Variants in CEBPG observed in about 807,000 individuals in gnomAD.
The protein encoded by CEBPG is CCAAT/enhancer-binding protein gamma.
Under a neutral mutation model 11.1 loss-of-function variants are expected in CEBPG, and 6 were observed. That is an observed-to-expected ratio of 0.54 (90% CI 0.30 to 1.07). CEBPG has a LOEUF of 1.07. Among genes scored for constraint, CEBPG ranks in the 50% least tolerant of loss-of-function variants. CEBPG has a pLI of 0.07. For missense variants in CEBPG, 161 were observed against 187.4 expected, an observed-to-expected ratio of 0.86 and a Z score of 0.82; for synonymous variants, 66 against 71.0, an observed-to-expected ratio of 0.93 and a Z score of 0.36.
chr19:33,379,644 C>T lies in CEBPG; in HGVS notation c.405C>T (p.Ser135=), dbSNP rs950698791. Residue 135 remains serine (S), a synonymous_variant, in exon 2 of 2, where the codon TCC becomes TCT. Transcript: ENST00000284000. Reference sequence around the variant, plus strand: ...ACAACCTTGCAGACAACGTACAGTCCATTAGCACTGAAAATACGACAGCAG... The same window carrying T: ...ACAACCTTGCAGACAACGTACAGTCTATTAGCACTGAAAATACGACAGCAG... The part of the protein sequence containing the change: ...HAHNLADNVQ[S]ISTENTTADG... The T allele has an allele frequency of 2.5e-6, 4 of 1,613,348 alleles. No homozygotes were observed. The highest frequency in any genetic ancestry group is 3.4e-6 in the Non-Finnish European group (4 of 1,179,552).
chr19:33,377,678 A>G (rs979282561), intron 1 of CEBPG, among the ~76,000 whole-genome samples: 4 of 152,212 alleles, frequency 2.6e-5, no homozygotes, highest in African/African-American at 9.6e-5. Flanking sequence ...TGAACTGTCC[A>G]TTACTGAAGA....
chr19:33,379,317 C>G lies in CEBPG; in HGVS notation c.78C>G (p.Ser26Arg). The change falls in exon 2 of 2, where the codon AGC becomes AGG. Residue 26 changes from serine (S) to arginine (R), a missense_variant. By Grantham distance (110) the Ser-to-Arg change is moderately radical. Coordinates refer to ENST00000284000, the MANE Select transcript of CEBPG (RefSeq NM_001806.4). ...TTATCCATACCCAGGCACATGCCAGCGGCTTACAGCAGGTTCCTCAGCTGG... is the reference window on the plus strand; with the variant it reads ...TTATCCATACCCAGGCACATGCCAGGGGCTTACAGCAGGTTCCTCAGCTGG... Reference protein sequence around the residue: ...ISVIHTQAHASGLQQVPQLVP... With the variant: ...ISVIHTQAHARGLQQVPQLVP... The G allele has an allele frequency of 1.2e-6, 2 of 1,611,472 alleles. No individual in the cohort carries two copies. Among genetic ancestry groups the G allele is most frequent in the South Asian group, 2.2e-5 (2 of 90,906 alleles).
In CEBPG at chr19:33,382,673, C is replaced by A. The variant is rs189482230; in HGVS notation, c.*2981C>A. 3 of 165,396 alleles carry A rather than the reference C, an allele frequency of 1.8e-5. No individual in the cohort carries two copies. Among genetic ancestry groups the A allele is most frequent in the African/African-American group, 7.2e-5 (3 of 41,520 alleles). The allele number at this position is 165,396 out of a possible 1,614,324, so 10.2% of individuals were successfully genotyped here. Reference sequence around the variant, plus strand: ...TCAACAAATATAAAATAAAAAACAACTTTGGAACAATGACTTGTCTTTCAT... The same window carrying A: ...TCAACAAATATAAAATAAAAAACAAATTTGGAACAATGACTTGTCTTTCAT... On this transcript the variant is annotated 3_prime_UTR_variant, in exon 2 of 2. Transcript: ENST00000284000.
At chr19:33,375,322 C>T (rs1967899227) in intron 1 of CEBPG, among the ~76,000 whole-genome samples, 2 of 152,068 alleles carry the variant, frequency 1.3e-5, no homozygotes, top group Non-Finnish European at 2.9e-5. Context: ...CAAATAGGAC[C>T]TCGTGGGGCT....
Position 33,379,738 on chromosome 19 carries a change from G to T in CEBPG, c.*46G>T. 1 of 1,524,446 alleles carries T rather than the reference G, an allele frequency of 6.6e-7. No individual in the cohort carries two copies. The highest frequency in any genetic ancestry group is 8.9e-7 in the Non-Finnish European group (1 of 1,127,266). The allele number at this position is 1,524,446 out of a possible 1,614,324, so 94.4% of individuals were successfully genotyped here. On this transcript the variant is annotated 3_prime_UTR_variant, in exon 2 of 2. Transcript: ENST00000284000. ...TAGAGCTTGTGGCTTGAATGTTAAA[G>T]GTGTGACCACCGACACCACTCATGT...
chr19:33,379,290 T>C lies in CEBPG; in HGVS notation c.51T>C (p.Ser17=). 1 of 1,599,164 alleles carries C rather than the reference T, an allele frequency of 6.3e-7. No homozygotes were observed. The highest frequency in any genetic ancestry group is 8.5e-7 in the Non-Finnish European group (1 of 1,172,730). ...QNSTPGVNGI[S]VIHTQAHASG... ...GCACTCCAGGGGTGAACGGAATTAG[T>C]GTTATCCATACCCAGGCACATGCCA... The change falls in exon 2 of 2, where the codon AGT becomes AGC. Residue 17 remains serine (S), a synonymous_variant. Transcript: ENST00000284000.
Position 33,380,700 on chromosome 19 carries a change from C to A in CEBPG, c.*1008C>A, listed in dbSNP as rs377189716. ...CTGAAGGCTCATTTTGGTATTTGAT[C>A]TTAACCAAGTGATTATTAGAGAAAT... On this transcript the variant is annotated 3_prime_UTR_variant, in exon 2 of 2. Transcript: ENST00000284000. The A allele has an allele frequency of 1.2e-5, 2 of 166,862 alleles. No homozygotes were observed. Among genetic ancestry groups the A allele is most frequent in the Admixed American group, 1.3e-4 (2 of 15,290 alleles). 10.3% of individuals were successfully genotyped at this position (166,862 alleles called of 1,614,324 possible).
chr19:33,379,987 T>C lies in CEBPG; in HGVS notation c.*295T>C, dbSNP rs1225575085. 3.8e-6 allele frequency: 1 copy of C among 262,760 alleles called. No homozygotes were observed. The allele number at this position is 262,760 out of a possible 1,614,324, so 16.3% of individuals were successfully genotyped here. On this transcript the variant is annotated 3_prime_UTR_variant, in exon 2 of 2. Transcript: ENST00000284000. ...CCGATGTTCTTAATAAATCCTGACT[T>C]CCCAAGAAATGCTTCTTTTTTAAGT...
chr19:33,379,747 A>G lies in CEBPG; in HGVS notation c.*55A>G. 1 of 1,461,568 alleles carries G rather than the reference A, an allele frequency of 6.8e-7. No individual in the cohort carries two copies. The highest frequency in any genetic ancestry group is 9.3e-7 in the Non-Finnish European group (1 of 1,078,706). 90.5% of individuals were successfully genotyped at this position (1,461,568 alleles called of 1,614,324 possible). A position where few individuals can be genotyped will look rare whatever the true frequency, so the allele number is the denominator to read the frequency against. On this transcript the variant is annotated 3_prime_UTR_variant, in exon 2 of 2. Coordinates refer to ENST00000284000, the MANE Select transcript of CEBPG (RefSeq NM_001806.4). ...TGGCTTGAATGTTAAAGGTGTGACCACCGACACCACTCATGTCAATGGCTG... is the reference window on the plus strand; with the variant it reads ...TGGCTTGAATGTTAAAGGTGTGACCGCCGACACCACTCATGTCAATGGCTG...
chr19:33,375,807 A>G (rs532616614), intron 1 of CEBPG, among the ~76,000 whole-genome samples: 2 of 152,170 alleles, frequency 1.3e-5, no homozygotes, highest in Non-Finnish European at 1.5e-5. Flanking sequence ...TAGGATACAG[A>G]TAGTGGTTTA....
At position 33,381,291 on chromosome 19, in the gene CEBPG, G is replaced by A. The variant is rs1281643480; in HGVS notation, c.*1599G>A. 6.0e-6 allele frequency: 1 copy of A among 167,070 alleles called. No individual in the cohort carries two copies. Among genetic ancestry groups the A allele is most frequent in the Non-Finnish European group, 1.5e-5 (1 of 68,122 alleles). The allele number at this position is 167,070 out of a possible 1,614,324, so 10.3% of individuals were successfully genotyped here. A position where few individuals can be genotyped will look rare whatever the true frequency, so the allele number is the denominator to read the frequency against. On this transcript the variant is annotated 3_prime_UTR_variant, in exon 2 of 2. Coordinates refer to ENST00000284000, the MANE Select transcript of CEBPG (RefSeq NM_001806.4). ...AATAAAACTCAAGTTGCACCCTCCG[G>A]TTGGTGGAAGATTGCTGACCGTGCC...
chr19:33,375,396 A>C (rs547181357), intron 1 of CEBPG, among the ~76,000 whole-genome samples: 1 of 152,258 alleles, frequency 6.6e-6, no homozygotes, highest in Non-Finnish European at 1.5e-5. Context: ...ACAGGTAGCC[A>C]CGATTCCAGC....
intron 1 of CEBPG, among the ~76,000 whole-genome samples, chr19:33,376,826 G>A (rs1466201863): frequency 2.0e-5 from 3 of 152,218 alleles, no homozygotes; most frequent in South Asian, 2.1e-4. Flanking sequence ...GGAACAAAGC[G>A]TAAATGAGAG....
chr19:33,379,463 C>A lies in CEBPG; in HGVS notation c.224C>A (p.Ala75Asp). 1 of 1,613,984 alleles carries A rather than the reference C, an allele frequency of 6.2e-7. No individual in the cohort carries two copies. Among genetic ancestry groups the A allele is most frequent in the Non-Finnish European group, 8.5e-7 (1 of 1,180,014 alleles). Residue 75 changes from alanine (A) to aspartate (D), a missense_variant, in exon 2 of 2, where the codon GCT becomes GAT. Coordinates refer to ENST00000284000, the MANE Select transcript of CEBPG (RefSeq NM_001806.4). ...CAACGCCGAGAGAGGAACAACATGG[C>A]TGTGAAAAAGAGCCGGTTGAAAAGC... ...YRQRRERNNMAVKKSRLKSKQ... is the reference protein window; with the variant it reads ...YRQRRERNNMDVKKSRLKSKQ...
chr19:33,375,362 C>T (rs1967899548), intron 1 of CEBPG, among the ~76,000 whole-genome samples: 1 of 152,088 alleles, frequency 6.6e-6, no homozygotes, highest in Non-Finnish European at 1.5e-5. Flanking sequence ...AAGATTGCCT[C>T]ACTTGGTCAC....
rs750621514 is a variant in CEBPG at position 33,379,601 on chromosome 19, T to C, written c.362T>C (p.Leu121Ser). 1.9e-6 allele frequency: 3 copies of C among 1,614,148 alleles called. No homozygotes were observed. In the African/African-American group the frequency reaches 4.0e-5, roughly 22 times the overall value. Residue 121 changes from leucine to serine, a missense_variant, in exon 2 of 2, where the codon TTG becomes TCG. Leu to Ser is a moderately radical substitution (Grantham distance 145). Coordinates refer to ENST00000284000, the MANE Select transcript of CEBPG (RefSeq NM_001806.4). Reference sequence around the variant, plus strand: ...AAGGAATTAAGTGTACTCAAAGATTTGTTTCTTGAGCATGCACACAACCTT... The same window carrying C: ...AAGGAATTAAGTGTACTCAAAGATTCGTTTCTTGAGCATGCACACAACCTT... ...LTKELSVLKD[L>S]FLEHAHNLAD...
intron 1 of CEBPG, among the ~76,000 whole-genome samples, chr19:33,378,782 G>C (rs1967945475): frequency 6.6e-6 from 1 of 152,124 alleles, no homozygotes; most frequent in African/African-American, 2.4e-5. Flanking sequence ...TTCATTGCAG[G>C]TGTCTCTCCT....
Position 33,379,285 on chromosome 19 carries a change from A to G in CEBPG, c.46A>G (p.Ile16Val), listed in dbSNP as rs375076008. The G allele has an allele frequency of 5.0e-6, 8 of 1,593,978 alleles. No homozygotes were observed. Among genetic ancestry groups the G allele is most frequent in the East Asian group, 2.2e-5 (1 of 44,614 alleles). ...QQNSTPGVNG[I>V]SVIHTQAHAS... ...AAACAGCACTCCAGGGGTGAACGGAATTAGTGTTATCCATACCCAGGCACA... is the reference window on the plus strand; with the variant it reads ...AAACAGCACTCCAGGGGTGAACGGAGTTAGTGTTATCCATACCCAGGCACA... Residue 16 changes from isoleucine to valine, a missense_variant, in exon 2 of 2, where the codon ATT (isoleucine) becomes GTT (valine). Physicochemically the swap from Ile to Val is conservative, Grantham distance 29. Transcript: ENST00000284000.
rs1448344863 is a variant in CEBPG at position 33,375,137 on chromosome 19, G to A, written c.-97+1242G>A. On this transcript the variant is annotated intron_variant, in intron 1 of 1. Coordinates refer to ENST00000284000, the MANE Select transcript of CEBPG (RefSeq NM_001806.4). ...TGCTTTTGGTGGGCACACTTGGCTG[G>A]TTCAGTTATTTTTAATACCTGCTTT... 3.3e-5 allele frequency among the ~76,000 whole-genome samples: 5 copies of A among 152,298 alleles called. No homozygotes were observed. In the South Asian group the frequency reaches 8.3e-4, roughly 25 times the overall value.
Sources: gnomAD v4.1 joint callset for allele counts (sites outside exome capture counted in the v4.1 genomes callset) on GRCh38, gnomAD v4.1.1 for gene constraint, MANE v1.5 for transcripts, NCBI Gene and HGNC (gene_info 2026-07-23, HGNC 2026-07-21) for gene names.